The following FRMD6 variants were observed in gnomAD, a reference collection of about 807,000 sequenced individuals.
FRMD6 encodes the protein FERM domain-containing protein 6.
A neutral mutation model predicts 73.2 loss-of-function variants in FRMD6; 37 were observed. That is an observed-to-expected ratio of 0.51 (90% CI 0.39 to 0.66). The LOEUF is 0.66. FRMD6 is among the 30% of genes least tolerant of loss of function. The pLI, the probability that FRMD6 is intolerant of heterozygous loss-of-function variation, is 0.00. For synonymous variants in FRMD6, 273 were observed against 282.2 expected (o/e 0.97, Z 0.33); for missense variants, 714 against 780.5 (o/e 0.91, Z 1.02).
chr14:51,512,498 G>GGGGA (rs1884369683), intron 1 of FRMD6, among the ~76,000 whole-genome samples: 2 of 152,182 alleles, frequency 1.3e-5, no homozygotes, highest in Non-Finnish European at 2.9e-5. Context: ...ACAACGTCTT[G>GGGGA]TCATCCATCA....
chr14:51,674,035 T>G (rs1045584921), intron 1 of FRMD6, among the ~76,000 whole-genome samples: 2 of 152,160 alleles, frequency 1.3e-5, no homozygotes, highest in African/African-American at 4.8e-5. Context: ...TTCCAAATCC[T>G]AGACAGATGA....
intron 2 of FRMD6, among the ~76,000 whole-genome samples, chr14:51,607,066 G>A (rs934036646): frequency 8.6e-5 from 13 of 152,036 alleles, no homozygotes; most frequent in African/African-American, 3.1e-4. Context: ...CACTGAGGGT[G>A]GGTCTTCCCC....
chr14:51,713,615 T>C (rs1385762710), intron 9 of FRMD6: 1 of 152,208 alleles, frequency 6.6e-6, no homozygotes, highest in Non-Finnish European at 1.5e-5. Flanking sequence ...CTGGGATATA[T>C]AGCTCCATGA....
intron 1 of FRMD6, among the ~76,000 whole-genome samples, chr14:51,539,441 T>C (rs1886084297): frequency 6.6e-6 from 1 of 152,194 alleles, no homozygotes; most frequent in Admixed American, 6.5e-5. Flanking sequence ...TTTCAACATC[T>C]ACATAGTGCC....
the FRMD6 span, among the ~76,000 whole-genome samples, chr14:51,418,991 C>T: frequency 4.7e-4 from 71 of 152,334 alleles, no homozygotes; most frequent in African/African-American, 1.3e-3. Context: ...AAGCCAGGCA[C>T]GGGATATAAT....
the FRMD6 span, chr14:51,436,679 G>A: frequency 1.3e-5 from 7 of 529,158 alleles, no homozygotes; most frequent in Middle Eastern, 6.0e-4. Context: ...AGGGGCTAAT[G>A]AGTTAGGAGA....
At chr14:51,702,651 C>T in intron 5 of FRMD6, 63 bp downstream of exon 5, 1 of 1,253,274 alleles carries the variant, frequency 8.0e-7, no homozygotes, top group South Asian at 1.3e-5. Context: ...TTCTAACATA[C>T]CAAATAAGTT....
chr14:51,399,732 T>C, the FRMD6 span, among the ~76,000 whole-genome samples: 204 of 152,310 alleles, frequency 1.3e-3, no homozygotes, highest in Non-Finnish European at 2.0e-3. Context: ...TTTCTCAGTA[T>C]TTTTATTCTG....
intron 1 of FRMD6, among the ~76,000 whole-genome samples, chr14:51,495,586 C>T (rs1363374814): frequency 6.6e-6 from 1 of 152,210 alleles, no homozygotes; most frequent in Admixed American, 6.5e-5. Flanking sequence ...AAGTTGAATT[C>T]ATTTATAGTT....
At chr14:51,427,662 T>C in the FRMD6 span, among the ~76,000 whole-genome samples, 1 of 152,398 alleles carries the variant, frequency 6.6e-6, no homozygotes, top group African/African-American at 2.4e-5. Context: ...TCAAACATGC[T>C]GTTCCCGTGT....
chr14:51,610,222 G>A (rs985750449), intron 2 of FRMD6, among the ~76,000 whole-genome samples: 4 of 151,800 alleles, frequency 2.6e-5, no homozygotes, highest in Non-Finnish European at 2.9e-5. Context: ...AATAAACAGC[G>A]CAGCCTCCTT....
intron 1 of FRMD6, among the ~76,000 whole-genome samples, chr14:51,523,659 G>C (rs116263416): frequency 0.012 from 1,881 of 152,190 alleles, 41 homozygotes; most frequent in South Asian, 0.053. Flanking sequence ...CAAATTCAGG[G>C]TCCTTCCCAC....
At chr14:51,566,330 A>T (rs1887773480) in intron 1 of FRMD6, among the ~76,000 whole-genome samples, 1 of 152,252 alleles carries the variant, frequency 6.6e-6, no homozygotes, top group Non-Finnish European at 1.5e-5. Flanking sequence ...CAGAGCAAAC[A>T]GTAAAGAATC....
At chr14:51,642,357 T>G (rs1950922) in intron 2 of FRMD6, among the ~76,000 whole-genome samples, 2 of 151,932 alleles carry the variant, frequency 1.3e-5, no homozygotes, top group African/African-American at 4.8e-5. Context: ...CTGGCCAACA[T>G]TGTGAAACCC....
intron 1 of FRMD6, among the ~76,000 whole-genome samples, chr14:51,567,494 G>T (rs1887840202): frequency 6.6e-6 from 1 of 152,174 alleles, no homozygotes; most frequent in South Asian, 2.1e-4. Flanking sequence ...CTATAGCCAT[G>T]TGCCAACATG....
intron 1 of FRMD6, among the ~76,000 whole-genome samples, chr14:51,657,745 G>GA (rs908253007): frequency 2.6e-5 from 4 of 151,982 alleles, no homozygotes; most frequent in Admixed American, 6.5e-5. Flanking sequence ...GATGTGAGAG[G>GA]AAAAAAAGCA....
the FRMD6 span, among the ~76,000 whole-genome samples, chr14:51,417,100 G>A: frequency 6.6e-6 from 1 of 151,414 alleles, no homozygotes; most frequent in East Asian, 1.9e-4. Context: ...GGTCTTGACT[G>A]TACCCAATTT....
At chr14:51,443,219 T>C in the FRMD6 span, among the ~76,000 whole-genome samples, 4 of 152,262 alleles carry the variant, frequency 2.6e-5, no homozygotes, top group Admixed American at 2.6e-4. Flanking sequence ...ATTCAAAAGT[T>C]TGAGCAAAGG....
intron 2 of FRMD6, among the ~76,000 whole-genome samples, chr14:51,576,408 T>G (rs1373191742): frequency 1.3e-5 from 2 of 152,208 alleles, no homozygotes; most frequent in Non-Finnish European, 2.9e-5. Flanking sequence ...GCATTCAACA[T>G]AACGTAGTTT....
Sources: gnomAD v4.1 joint callset for allele counts (sites outside exome capture counted in the v4.1 genomes callset) on GRCh38, gnomAD v4.1.1 for gene constraint, MANE v1.5 for transcripts, NCBI Gene and HGNC (gene_info 2026-07-23, HGNC 2026-07-21) for gene names.